WNK2: variants seen among roughly 807,000 people sequenced by gnomAD.
The protein encoded by WNK2 is WNK lysine deficient protein kinase 2.
Under a neutral mutation model 192.1 loss-of-function variants are expected in WNK2, and 67 were observed. The ratio of observed to expected loss-of-function variants is 0.35; its 90% confidence interval spans 0.29 to 0.43. WNK2 has a LOEUF of 0.43. WNK2 is among the 20% of genes least tolerant of loss of function. The probability of loss-of-function intolerance (pLI) is 1.00; values close to 1 mark genes in which losing one functional copy is unlikely to be tolerated. For missense variants in WNK2, 2,698 were observed against 3,089.7 expected (o/e 0.87, Z 3.01); for synonymous variants, 1,439 against 1,393.9 (o/e 1.03, Z -0.72).
At chr9:93,300,656 T>A (rs1002573753) in intron 26 of WNK2, among the ~76,000 whole-genome samples, 8 of 152,212 alleles carry the variant, frequency 5.3e-5, no homozygotes, top group Non-Finnish European at 1.0e-4. Context: ...ATAGCGAGCC[T>A]ATACGGTTCT....
At chr9:93,285,162 C>G (rs1848270416) in intron 19 of WNK2, among the ~76,000 whole-genome samples, 1 of 152,180 alleles carries the variant, frequency 6.6e-6, no homozygotes, top group South Asian at 2.1e-4. Context: ...GCAGTTATTT[C>G]CAAGGAATAC....
intron 19 of WNK2, among the ~76,000 whole-genome samples, chr9:93,271,895 C>A (rs984554051): frequency 6.6e-6 from 1 of 152,220 alleles, no homozygotes. Context: ...TTATGCATTA[C>A]CTAGATTGGA....
intron 2 of WNK2, among the ~76,000 whole-genome samples, chr9:93,206,037 G>A (rs532492454): frequency 1.3e-5 from 2 of 152,230 alleles, no homozygotes; most frequent in Non-Finnish European, 2.9e-5. Flanking sequence ...CGGAGCCTCG[G>A]GGCACAATTT....
chr9:93,266,148 G>A (rs894368398), intron 16 of WNK2, among the ~76,000 whole-genome samples: 1 of 152,182 alleles, frequency 6.6e-6, no homozygotes, highest in African/African-American at 2.4e-5. Flanking sequence ...GGTTCGAGTT[G>A]AAGGGTGGGT....
intron 2 of WNK2, among the ~76,000 whole-genome samples, chr9:93,202,303 C>T (rs1832521326): frequency 6.7e-6 from 1 of 150,196 alleles, no homozygotes; most frequent in Non-Finnish European, 1.5e-5. Context: ...CTTCTCAGGG[C>T]CTCTGCTGGG....
In WNK2 at chr9:93,259,064, T is replaced by A; in HGVS notation, c.2516T>A (p.Ile839Asn). ...CCTCAGTATTTCTCTCCAGCCGTGATCTTGCCGAGCCTCGCTGCCCCACTC... is the reference window on the plus strand; with the variant it reads ...CCTCAGTATTTCTCTCCAGCCGTGAACTTGCCGAGCCTCGCTGCCCCACTC... ...PPPQYFSPAV[I>N]LPSLAAPLPP... is the part of the protein sequence containing the mutation. The change falls in exon 12 of 30, where the codon ATC becomes AAC. Residue 839 changes from isoleucine (I) to asparagine (N), a missense_variant. Physicochemically the swap from Ile to Asn is moderately radical, Grantham distance 149. Coordinates refer to ENST00000427277, the MANE Select transcript of WNK2 (RefSeq NM_006648.4). The surrounding 1 kb of genome is among the most constrained non-coding windows in gnomAD (Gnocchi z 4.8). 3.1e-6 allele frequency: 5 copies of A among 1,613,140 alleles called. No individual in the cohort carries two copies. The highest frequency in any genetic ancestry group is 4.2e-6 in the Non-Finnish European group (5 of 1,179,748).
In WNK2 at chr9:93,256,993, C is replaced by G. The variant is rs761846474; in HGVS notation, c.2236C>G (p.Pro746Ala). The change falls in exon 11 of 30, where the codon CCA (proline) becomes GCA (alanine). Residue 746 changes from proline (P) to alanine (A), a missense_variant. Transcript: ENST00000427277. ...GACACCCCTGCCGCAGGTCCTGGCCCCACAGCCCGTGGTCCCCCTCCAGCC... is the reference window on the plus strand; with the variant it reads ...GACACCCCTGCCGCAGGTCCTGGCCGCACAGCCCGTGGTCCCCCTCCAGCC... Reference protein sequence around the residue: ...QPTPLPQVLAPQPVVPLQPVP... With the variant: ...QPTPLPQVLAAQPVVPLQPVP... The G allele has an allele frequency of 1.7e-5, 27 of 1,597,178 alleles. No individual in the cohort carries two copies. In the South Asian group the frequency reaches 2.5e-4, roughly 15 times the overall value.
intron 2 of WNK2, among the ~76,000 whole-genome samples, chr9:93,204,209 T>C (rs1321476545): frequency 6.6e-6 from 1 of 152,012 alleles, no homozygotes; most frequent in African/African-American, 2.4e-5. Context: ...CGTTCAGAGA[T>C]ATGGGCTTCA....
chr9:93,201,435 G>A (rs75010070), intron 2 of WNK2, among the ~76,000 whole-genome samples: 2,704 of 152,338 alleles, frequency 0.018, 73 homozygotes, highest in African/African-American at 0.061. Context: ...TTGGCAGCCC[G>A]GGAGGTGGAA....
intron 2 of WNK2, among the ~76,000 whole-genome samples, chr9:93,222,050 C>T (rs1020494061): frequency 6.6e-6 from 1 of 152,202 alleles, no homozygotes; most frequent in Non-Finnish European, 1.5e-5. Flanking sequence ...CAGGCACCTA[C>T]TTCCTTCTGT....
rs749855327 is a variant in WNK2 at position 93,247,247 on chromosome 9, C to T, written c.1543-296C>T. ...TCCCGTCTGCCACCAGCCCCGGGGG[C>T]GCTGGGAGCTCAGGGAGCCCTTGGG... On this transcript the variant is annotated intron_variant, in intron 7 of 29. Transcript: ENST00000427277. The surrounding 1 kb of genome is among the most constrained non-coding windows in gnomAD (Gnocchi z 5.2). Among the ~76,000 whole-genome samples the T allele has an allele frequency of 3.3e-5, 5 of 152,198 alleles. No individual in the cohort carries two copies. The highest frequency in any genetic ancestry group is 4.4e-5 in the Non-Finnish European group (3 of 68,038).
chr9:93,184,658 C>A (rs1252414054), intron 1 of WNK2, among the ~76,000 whole-genome samples: 1 of 151,960 alleles, frequency 6.6e-6, no homozygotes, highest in Non-Finnish European at 1.5e-5. Context: ...CCTAGCAGGT[C>A]CTCTCTCCCA....
chr9:93,288,858 G>A lies in WNK2; in HGVS notation c.4104G>A (p.Leu1368=). 3 of 1,612,178 alleles carry A rather than the reference G, an allele frequency of 1.9e-6. No individual in the cohort carries two copies. The highest frequency in any genetic ancestry group is 1.7e-6 in the Non-Finnish European group (2 of 1,179,618). ...GCTTTCTAGCCAGTCAGCAGCTCCT[G>A]AGCCAGGCGGGCCCCAGCAACCCTC... ...QPSFLASQQL[L]SQAGPSNPPG... is the part of the protein sequence containing the mutation. Residue 1368 remains leucine (L), a synonymous_variant, in exon 20 of 30, where the codon CTG becomes CTA. Transcript: ENST00000427277.
chr9:93,297,775 A>T lies in WNK2; in HGVS notation c.5709-78A>T, dbSNP rs1373538220. The T allele has an allele frequency of 1.4e-5, 21 of 1,450,260 alleles. No individual in the cohort carries two copies. In the East Asian group the frequency reaches 5.0e-4, roughly 34 times the overall value. 89.8% of individuals were successfully genotyped at this position (1,450,260 alleles called of 1,614,324 possible). A position where few individuals can be genotyped will look rare whatever the true frequency, so the allele number is the denominator to read the frequency against. ...CCTTCATCCCATGTTCTCCCACGCCACCTCCCTCCTGGAGGAGCTGGCGGT... is the reference window on the plus strand; with the variant it reads ...CCTTCATCCCATGTTCTCCCACGCCTCCTCCCTCCTGGAGGAGCTGGCGGT... On this transcript the variant is annotated intron_variant, in intron 23 of 29. Transcript: ENST00000427277.
At chr9:93,230,783 C>G in intron 3 of WNK2, 105 bp from the exon 4 acceptor site, 1 of 1,042,966 alleles carries the variant, frequency 9.6e-7, no homozygotes, top group Non-Finnish European at 1.4e-6. Flanking sequence ...GCCGTGTGCA[C>G]GGGAATGGAC....
intron 19 of WNK2, among the ~76,000 whole-genome samples, chr9:93,277,136 T>C (rs1847049622): frequency 1.3e-5 from 2 of 152,240 alleles, no homozygotes; most frequent in Admixed American, 1.3e-4. Flanking sequence ...TGTTCAATAT[T>C]ATTGACTACT....
chr9:93,259,309 C>G lies in WNK2; in HGVS notation c.2761C>G (p.Pro921Ala). The G allele has an allele frequency of 6.2e-7, 1 of 1,613,674 alleles. No individual in the cohort carries two copies. Among genetic ancestry groups the G allele is most frequent in the Non-Finnish European group, 8.5e-7 (1 of 1,179,772 alleles). ...CCCAGCGGCCTTCCCACAGATGGCG[C>G]CTACTGACGTCCCTCCTTCCCCCCA... ...VYPAAFPQMA[P>A]TDVPPSPHHT... The change falls in exon 12 of 30, where the codon CCT becomes GCT. Residue 921 changes from proline (P) to alanine (A), a missense_variant. By Grantham distance (27) the Pro-to-Ala change is conservative (BLOSUM62 -1). This residue lies in a region of WNK2 where 893 missense variants were observed against 909.0 expected (regional missense o/e 0.98). Transcript: ENST00000427277. The surrounding 1 kb of genome is among the most constrained non-coding windows in gnomAD (Gnocchi z 4.8).
Position 93,292,289 on chromosome 9 carries a change from G to A in WNK2, c.4937-19G>A, listed in dbSNP as rs568389316. On this transcript the variant is annotated intron_variant, in intron 21 of 29. Transcript: ENST00000427277. The stretch of plus-strand genomic sequence containing the variant: ...TTCCTCCTCCTTCAGCCCCAGTAAC[G>A]TTTCTGATGTTCCCATAGCAGAGTC... The A allele has an allele frequency of 2.2e-5, 36 of 1,613,440 alleles. No homozygotes were observed. Among genetic ancestry groups the A allele is most frequent in the East Asian group, 1.1e-4 (5 of 44,870 alleles).
At chr9:93,319,033 A>G in intron 29 of WNK2, 3 of 1,550,874 alleles carry the variant, frequency 1.9e-6, no homozygotes, top group Non-Finnish European at 2.6e-6. Context: ...TGCTGTCGTA[A>G]GAGATTTCTG....
Sources: gnomAD v4.1 joint callset for allele counts (sites outside exome capture counted in the v4.1 genomes callset) on GRCh38, gnomAD v4.1.1 for gene constraint, gnomAD v4.1.1 regional missense constraint, Gnocchi (gnomAD v3.1) non-coding constraint, MANE v1.5 for transcripts, NCBI Gene and HGNC (gene_info 2026-07-23, HGNC 2026-07-21) for gene names.